MAL2: variants seen among roughly 807,000 people sequenced by gnomAD.
MAL2 encodes mal, T cell differentiation protein 2.
MAL2 carries 17 observed loss-of-function variants against 18.1 expected under a neutral mutation model. That is an observed-to-expected ratio of 0.94 (90% CI 0.64 to 1.41). The LOEUF is 1.41. Ranked by LOEUF, MAL2 falls within the 40% of genes most tolerant of loss-of-function variation. The probability of loss-of-function intolerance (pLI) is 0.00; values close to 1 mark genes in which losing one functional copy is unlikely to be tolerated. For synonymous variants in MAL2, 102 were observed against 102.3 expected (o/e 1.00, Z 0.02); for missense variants, 222 against 231.9 (o/e 0.96, Z 0.28).
intron 2 of MAL2, among the ~76,000 whole-genome samples, chr8:119,238,080 C>A (rs1817952760): frequency 6.6e-6 from 1 of 152,366 alleles, no homozygotes; most frequent in African/African-American, 2.4e-5. Flanking sequence ...TAAGCAACTT[C>A]AGCAAAGTCT....
chr8:119,219,652 T>C (rs189756902), intron 1 of MAL2, among the ~76,000 whole-genome samples: 17 of 152,172 alleles, frequency 1.1e-4, no homozygotes, highest in African/African-American at 3.1e-4. Flanking sequence ...TGCTGCCAAA[T>C]CTAGCATAGT....
rs1342811678 is a variant in MAL2 at position 119,208,573 on chromosome 8, C to G, written c.101C>G (p.Thr34Ser). 9 of 1,396,392 alleles carry G rather than the reference C, an allele frequency of 6.4e-6. No individual in the cohort carries two copies. Among genetic ancestry groups the G allele is most frequent in the Middle Eastern group, 2.2e-4 (1 of 4,620 alleles). 86.5% of individuals were successfully genotyped at this position (1,396,392 alleles called of 1,614,324 possible). ...TLPAGPDILR[T>S]YSGAFVCLEI... is the part of the protein sequence containing the mutation. ...CCCGCCGGCCCCGACATCCTGCGGA[C>G]CTACTCGGGCGCCTTCGTCTGCCTG... The change falls in exon 1 of 4, where the codon ACC (threonine) becomes AGC (serine). Residue 34 changes from threonine (T) to serine (S), a missense_variant. Transcript: ENST00000614891. The surrounding 1 kb of genome is among the most constrained non-coding windows in gnomAD (Gnocchi z 4.3).
intron 2 of MAL2, among the ~76,000 whole-genome samples, chr8:119,229,200 C>T (rs557805013): frequency 1.1e-4 from 17 of 152,244 alleles, no homozygotes; most frequent in African/African-American, 3.6e-4. Context: ...TGCCTAATCC[C>T]GTATCCCTTC....
intron 2 of MAL2, among the ~76,000 whole-genome samples, chr8:119,239,226 T>G (rs1817990652): frequency 1.3e-5 from 2 of 152,170 alleles, no homozygotes; most frequent in African/African-American, 4.8e-5. Context: ...CACAATGAGA[T>G]ATCATCTCAT....
intron 2 of MAL2, among the ~76,000 whole-genome samples, chr8:119,234,542 C>A (rs1484718653): frequency 6.6e-6 from 1 of 152,170 alleles, no homozygotes; most frequent in Non-Finnish European, 1.5e-5. Context: ...GTAACCTCTG[C>A]AGACTTAAAT....
At chr8:119,239,505 G>A (rs994011028) in intron 2 of MAL2, among the ~76,000 whole-genome samples, 1 of 151,982 alleles carries the variant, frequency 6.6e-6, no homozygotes, top group Non-Finnish European at 1.5e-5. Context: ...CAGTAGCAAA[G>A]ACTTGGAACC....
At chr8:119,223,463 T>G (rs529235704) in intron 2 of MAL2, 2 of 152,350 alleles carry the variant, frequency 1.3e-5, no homozygotes, top group Admixed American at 1.3e-4. Flanking sequence ...TTTTCCCAAG[T>G]TTGCATTTCC....
chr8:119,223,810 T>TATTA (rs1191546811), intron 2 of MAL2: 1 of 152,118 alleles, frequency 6.6e-6, no homozygotes, highest in East Asian at 1.9e-4. Flanking sequence ...GTCTTTTTTT[T>TATTA]ATTATTATTA....
At chr8:119,242,513 G>A (rs528637354) in intron 3 of MAL2, among the ~76,000 whole-genome samples, 10 of 152,124 alleles carry the variant, frequency 6.6e-5, no homozygotes, top group Admixed American at 2.0e-4. Flanking sequence ...CTAATAATAG[G>A]TATCAAATAA....
chr8:119,240,124 ATTTTT>A (rs554091744), intron 2 of MAL2, 36 bp from the exon 3 acceptor site: 2 of 1,553,716 alleles, frequency 1.3e-6, no homozygotes, highest in African/African-American at 1.4e-5. Flanking sequence ...ACAGAAAAAT[ATTTTT>A]TTTTAATTGC....
At chr8:119,232,691 A>G (rs1469290691) in intron 2 of MAL2, among the ~76,000 whole-genome samples, 1 of 152,360 alleles carries the variant, frequency 6.6e-6, no homozygotes, top group South Asian at 2.1e-4. Context: ...GCTCAAAAAT[A>G]AAATTACATA....
chr8:119,234,617 C>A (rs1034027432), intron 2 of MAL2, among the ~76,000 whole-genome samples: 2 of 151,940 alleles, frequency 1.3e-5, no homozygotes, highest in African/African-American at 4.9e-5. Flanking sequence ...CATCTGAGAC[C>A]TGGCAGACTG....
At chr8:119,229,722 G>C (rs1817673706) in intron 2 of MAL2, among the ~76,000 whole-genome samples, 1 of 152,152 alleles carries the variant, frequency 6.6e-6, no homozygotes, top group Non-Finnish European at 1.5e-5. Context: ...TCTGAATGTG[G>C]CTATAATGCA....
chr8:119,209,595 C>T (rs1300572659), intron 1 of MAL2, among the ~76,000 whole-genome samples: 1 of 152,126 alleles, frequency 6.6e-6, no homozygotes, highest in African/African-American at 2.4e-5. Context: ...ATTGTTTGCT[C>T]GGTTTAGGAT....
At chr8:119,220,578 G>A (rs1035945478) in intron 1 of MAL2, among the ~76,000 whole-genome samples, 7 of 152,066 alleles carry the variant, frequency 4.6e-5, no homozygotes, top group African/African-American at 1.7e-4. Context: ...TCCTTGGCCC[G>A]AGCTTCAGCA....
At chr8:119,211,626 C>T (rs920693421) in intron 1 of MAL2, among the ~76,000 whole-genome samples, 19 of 151,286 alleles carry the variant, frequency 1.3e-4, no homozygotes, top group Non-Finnish European at 4.4e-5. Context: ...TGCCAGCCTA[C>T]GAGCACCAGG....
intron 1 of MAL2, among the ~76,000 whole-genome samples, chr8:119,218,888 A>G (rs369349030): frequency 2.0e-5 from 3 of 152,236 alleles, no homozygotes; most frequent in African/African-American, 7.2e-5. Context: ...GAAATAACTC[A>G]GAAGAGATAC....
At chr8:119,226,362 GC>G (rs1817595262) in intron 2 of MAL2, among the ~76,000 whole-genome samples, 6 of 151,564 alleles carry the variant, frequency 4.0e-5, no homozygotes, top group Admixed American at 3.9e-4. Flanking sequence ...CTTATGGCTA[GC>G]CAGTTTTCCC....
At chr8:119,235,229 G>A (rs1463631378) in intron 2 of MAL2, among the ~76,000 whole-genome samples, 1 of 151,914 alleles carries the variant, frequency 6.6e-6, no homozygotes, top group Non-Finnish European at 1.5e-5. Flanking sequence ...ATGAAATGAA[G>A]CGAGAAGGGA....
Sources: allele counts gnomAD v4.1 joint callset (sites outside exome capture counted in the v4.1 genomes callset), GRCh38; gene constraint gnomAD v4.1.1; non-coding constraint Gnocchi (gnomAD v3.1); transcripts MANE v1.5; gene names NCBI Gene and HGNC (gene_info 2026-07-23, HGNC 2026-07-21).